CACNA2D3: variants seen among roughly 807,000 people sequenced by gnomAD.
CACNA2D3 encodes the protein voltage-dependent calcium channel subunit alpha-2/delta-3.
A neutral mutation model predicts 160.6 loss-of-function variants in CACNA2D3; 60 were observed. The ratio of observed to expected loss-of-function variants is 0.37; its 90% CI spans 0.30 to 0.46. The LOEUF is 0.46. Ranked by LOEUF, CACNA2D3 falls within the 20% of genes least tolerant of loss-of-function variation. The pLI is 1.00. For synonymous variants in CACNA2D3, 558 were observed against 492.9 expected, an observed-to-expected ratio of 1.13 and a Z score of -1.75; for missense variants, 1,205 against 1,365.0, an observed-to-expected ratio of 0.88 and a Z score of 1.85.
intron 9 of CACNA2D3, among the ~76,000 whole-genome samples, chr3:54,588,145 C>T (rs543664374): frequency 6.6e-6 from 1 of 152,084 alleles, no homozygotes; most frequent in Non-Finnish European, 1.5e-5. Flanking sequence ...ATATGCAAAG[C>T]CAATGTAACA....
chr3:55,056,594 T>G (rs1251414252), intron 35 of CACNA2D3, among the ~76,000 whole-genome samples: 1 of 152,296 alleles, frequency 6.6e-6, no homozygotes. Flanking sequence ...GAAAATGCAG[T>G]ATAAGCGCAC....
intron 11 of CACNA2D3, among the ~76,000 whole-genome samples, chr3:54,751,093 C>CAA (rs1701849279): frequency 6.6e-6 from 1 of 151,952 alleles, no homozygotes. Context: ...CTTTTCCCCC[C>CAA]AAGAGAAGCC....
chr3:54,705,992 G>A (rs1700850365), intron 11 of CACNA2D3, among the ~76,000 whole-genome samples: 1 of 152,136 alleles, frequency 6.6e-6, no homozygotes, highest in Admixed American at 6.6e-5. Flanking sequence ...TCCGGCTTCT[G>A]TGCTCCTTTG....
intron 2 of CACNA2D3, among the ~76,000 whole-genome samples, chr3:54,290,268 G>C (rs1355170755): frequency 6.6e-6 from 1 of 152,162 alleles, no homozygotes. Flanking sequence ...AGACCCTTCT[G>C]AAAAGAAGAC....
intron 5 of CACNA2D3, among the ~76,000 whole-genome samples, chr3:54,519,915 C>G (rs780232121): frequency 2.3e-4 from 35 of 152,206 alleles, no homozygotes; most frequent in Non-Finnish European, 4.0e-4. Context: ...CCCTGAATGG[C>G]TACGTTAAGG....
intron 2 of CACNA2D3, among the ~76,000 whole-genome samples, chr3:54,238,915 C>G (rs978995613): frequency 6.6e-6 from 1 of 152,152 alleles, no homozygotes; most frequent in African/African-American, 2.4e-5. Context: ...CTAATAAACT[C>G]GTTTGAGGTC....
At chr3:54,478,790 A>G (rs1700885153) in intron 4 of CACNA2D3, among the ~76,000 whole-genome samples, 1 of 149,160 alleles carries the variant, frequency 6.7e-6, no homozygotes, top group Admixed American at 6.7e-5. Context: ...AGGCGGCTCA[A>G]TTATCAGATC....
At chr3:54,255,947 C>G (rs1026176325) in intron 2 of CACNA2D3, among the ~76,000 whole-genome samples, 2 of 151,710 alleles carry the variant, frequency 1.3e-5, no homozygotes, top group Non-Finnish European at 2.9e-5. Flanking sequence ...GTCACAGATC[C>G]AGTAAGTGTC....
At chr3:54,630,329 G>T (rs889494952) in intron 10 of CACNA2D3, among the ~76,000 whole-genome samples, 1 of 152,024 alleles carries the variant, frequency 6.6e-6, no homozygotes, top group Admixed American at 6.6e-5. Flanking sequence ...TCTATTTTCT[G>T]TTCCTTTCCC....
chr3:55,021,495 T>A (rs1022145168), intron 35 of CACNA2D3, among the ~76,000 whole-genome samples: 1 of 151,334 alleles, frequency 6.6e-6, no homozygotes, highest in Non-Finnish European at 1.5e-5. Context: ...TCTAACATTT[T>A]GTCTTTGATG....
chr3:54,339,895 T>C (rs1187884442), intron 3 of CACNA2D3, among the ~76,000 whole-genome samples: 1 of 152,174 alleles, frequency 6.6e-6, no homozygotes, highest in Non-Finnish European at 1.5e-5. Flanking sequence ...CTAATTTTCT[T>C]GTGACTTTAA....
chr3:55,025,028 G>A (rs532776015), intron 35 of CACNA2D3, among the ~76,000 whole-genome samples: 12 of 152,178 alleles, frequency 7.9e-5, no homozygotes, highest in South Asian at 2.1e-4. Flanking sequence ...TCTATGAGGC[G>A]GCCAGTATCT....
intron 8 of CACNA2D3, among the ~76,000 whole-genome samples, chr3:54,574,818 C>T (rs1352757089): frequency 6.6e-6 from 1 of 152,234 alleles, no homozygotes; most frequent in Non-Finnish European, 1.5e-5. Context: ...AATATTGTTA[C>T]ATCAATTTAA....
intron 11 of CACNA2D3, among the ~76,000 whole-genome samples, chr3:54,718,436 T>G (rs1701103899): frequency 6.6e-6 from 1 of 152,170 alleles, no homozygotes; most frequent in Non-Finnish European, 1.5e-5. Context: ...CTCCATATAG[T>G]TGATGCAGCA....
At chr3:54,589,074 T>G (rs1437210267) in intron 9 of CACNA2D3, among the ~76,000 whole-genome samples, 1 of 151,992 alleles carries the variant, frequency 6.6e-6, no homozygotes, top group Non-Finnish European at 1.5e-5. Flanking sequence ...TAAGATGATC[T>G]TAAAGAAGAA....
intron 10 of CACNA2D3, among the ~76,000 whole-genome samples, chr3:54,636,473 A>G (rs1443353095): frequency 6.6e-6 from 1 of 152,014 alleles, no homozygotes; most frequent in East Asian, 1.9e-4. Context: ...GGTATGAGGA[A>G]GAAAATAGAT....
chr3:54,489,699 G>C (rs1358015482), intron 4 of CACNA2D3, among the ~76,000 whole-genome samples: 1 of 152,214 alleles, frequency 6.6e-6, no homozygotes, highest in Admixed American at 6.5e-5. Flanking sequence ...AATGCCCAGT[G>C]GCCAGCGAGG....
chr3:54,779,613 C>T (rs1702494426), intron 13 of CACNA2D3, among the ~76,000 whole-genome samples: 1 of 152,170 alleles, frequency 6.6e-6, no homozygotes, highest in Admixed American at 6.5e-5. Flanking sequence ...GTGCTGGTCA[C>T]CTTTTAGTTG....
intron 2 of CACNA2D3, among the ~76,000 whole-genome samples, chr3:54,245,699 A>G (rs1030353161): frequency 2.6e-5 from 4 of 152,216 alleles, no homozygotes; most frequent in Admixed American, 2.6e-4. Context: ...TGGGAAGGTC[A>G]CACGATCTCC....
Sources: allele counts gnomAD v4.1 joint callset (sites outside exome capture counted in the v4.1 genomes callset), GRCh38; gene constraint gnomAD v4.1.1; transcripts MANE v1.5; gene names NCBI Gene and HGNC (gene_info 2026-07-23, HGNC 2026-07-21).